Variants in PLOD3 observed in about 807,000 individuals in gnomAD.
PLOD3 encodes the protein multifunctional procollagen lysine hydroxylase and glycosyltransferase LH3.
Under a neutral mutation model 96.9 loss-of-function variants are expected in PLOD3, and 73 were observed. The ratio of observed to expected loss-of-function variants is 0.75; its 90% CI spans 0.62 to 0.92. The LOEUF (loss-of-function observed/expected upper bound fraction) is 0.92, where lower values mean the gene tolerates loss of function less well. PLOD3 is among the 40% of genes least tolerant of loss of function. The probability of loss-of-function intolerance (pLI) is 0.00; values close to 1 mark genes in which losing one functional copy is unlikely to be tolerated. For missense variants in PLOD3, 1,004 were observed against 1,004.3 expected (o/e 1.00, Z 0.00); for synonymous variants, 454 against 413.7 (o/e 1.10, Z -1.18).
chr7:101,206,854 C>T lies in PLOD3; in HGVS notation c.1986G>A (p.Pro662=), dbSNP rs117761436. The change falls in exon 18 of 19, where the codon CCG becomes CCA. Residue 662 remains proline, a synonymous_variant. Coordinates refer to ENST00000223127, the MANE Select transcript of PLOD3 (RefSeq NM_001084.5). ...FVVRYRPDEQ[P]SLRPHHDSST... ...ATGAGTCGTGGTGTGGCCGCAGAGA[C>T]GGCTGCTCGTCTGGCCGGTAGCGAA... 9.9e-4 allele frequency: 1,553 copies of T among 1,566,206 alleles called. 36 individuals carry two copies. The East Asian group carries it at 0.029, about 29-fold the overall frequency.
At chr7:101,217,016 G>T in intron 1 of PLOD3, 150 bp downstream of exon 1, 1 of 932,546 alleles carries the variant, frequency 1.1e-6, no homozygotes, top group Non-Finnish European at 1.6e-6. Context: ...GTAGTGATGG[G>T]CGAGGGGCTT....
At position 101,213,069 on chromosome 7, in the gene PLOD3, G is replaced by A. The variant is rs543139499; in HGVS notation, c.777+38C>T. 1.2e-5 allele frequency: 18 copies of A among 1,468,648 alleles called. No homozygotes were observed. The South Asian group carries it at 1.4e-4, about 11-fold the overall frequency. The allele number at this position is 1,468,648 out of a possible 1,614,324, so 91.0% of individuals were successfully genotyped here. A position where few individuals can be genotyped will look rare whatever the true frequency, so the allele number is the denominator to read the frequency against. On this transcript the variant is annotated intron_variant, in intron 7 of 18. Transcript: ENST00000223127. ...AAGGGTTGGAGGTGCCTGGGGGTTG[G>A]GGCAGGGCGGGGCGGGGGTTGAGAC...
In PLOD3 at chr7:101,210,566, G is replaced by A. The variant is rs145508748; in HGVS notation, c.1466C>T (p.Pro489Leu). ...RDVFSGSDTD[P>L]DMAFCKSFRD... ...AAAGCTCTTACAGAAGGCCATGTCC[G>A]GGTCTGTGTCACTGCCCGAGAACAC... Residue 489 changes from proline to leucine, a missense_variant, in exon 13 of 19, where the codon CCG (proline) becomes CTG (leucine). Pro to Leu is a moderately conservative substitution (Grantham distance 98). Coordinates refer to ENST00000223127, the MANE Select transcript of PLOD3 (RefSeq NM_001084.5). 5.6e-4 allele frequency: 906 copies of A among 1,614,192 alleles called. 12 individuals carry two copies. The highest frequency in any genetic ancestry group is 1.7e-3 in the South Asian group (159 of 91,084).
At position 101,217,170 on chromosome 7, in the gene PLOD3, G is replaced by A. The variant is rs1484054478; in HGVS notation, c.105C>T (p.Asn35=). Residue 35 remains asparagine, a synonymous_variant, in exon 1 of 19, where the codon AAC becomes AAT. Coordinates refer to ENST00000223127, the MANE Select transcript of PLOD3 (RefSeq NM_001084.5). Reference sequence around the variant, plus strand: ...CGGGCCTCCCCGGGATCTCACCTGGGTTGACCGGGTCTCGGCCCCGGGGCC... The same window carrying A: ...CGGGCCTCCCCGGGATCTCACCTGGATTGACCGGGTCTCGGCCCCGGGGCC... ...SDRPRGRDPV[N]PEKLLVITVA... is the part of the protein sequence containing the mutation. The A allele has an allele frequency of 6.7e-7, 1 of 1,490,064 alleles. No homozygotes were observed. Among genetic ancestry groups the A allele is most frequent in the Non-Finnish European group, 8.9e-7 (1 of 1,121,408 alleles). The allele number at this position is 1,490,064 out of a possible 1,614,324, so 92.3% of individuals were successfully genotyped here.
chr7:101,210,033 G>T (rs1798156217), intron 15 of PLOD3, 60 bp downstream of exon 15: 6 of 820,158 alleles, frequency 7.3e-6, no homozygotes, highest in Non-Finnish European at 1.8e-6. Context: ...CCAGGCGGGG[G>T]CCCCCAAGAG....
chr7:101,215,775 G>T (rs926156), intron 5 of PLOD3, 133 bp downstream of exon 5: 7,621 of 707,826 alleles, frequency 0.011, 165 homozygotes, highest in East Asian at 0.078. Context: ...AGTCTTGGAT[G>T]ACAGGCGTGA....
At chr7:101,214,478 C>T (rs990765456) in intron 6 of PLOD3, among the ~76,000 whole-genome samples, 8 of 152,182 alleles carry the variant, frequency 5.3e-5, no homozygotes, top group Non-Finnish European at 1.0e-4. Context: ...TCACCAACCC[C>T]TCCACAAGCT....
chr7:101,210,391 A>T lies in PLOD3; in HGVS notation c.1554T>A (p.Thr518=). The part of the protein sequence containing the change: ...NQHEFGRLLA[T]SRYDTEHLHP... The stretch of plus-strand genomic sequence containing the variant: ...GCAGGTGCTCCGTGTCGTATCTGGA[A>T]GTGGCCAGGAGCCGGCCAAATTCAT... The change falls in exon 14 of 19, where the codon ACT becomes ACA. Residue 518 remains threonine (T), a synonymous_variant. Transcript: ENST00000223127. 6.2e-7 allele frequency: 1 copy of T among 1,614,186 alleles called. No homozygotes were observed. Among genetic ancestry groups the T allele is most frequent in the Non-Finnish European group, 8.5e-7 (1 of 1,180,040 alleles).
intron 17 of PLOD3, 35 bp downstream of exon 17, chr7:101,207,543 A>C (rs780043828): frequency 6.2e-6 from 10 of 1,606,956 alleles, no homozygotes; most frequent in Non-Finnish European, 8.5e-6. Flanking sequence ...TGGGGTGGGG[A>C]AGGTGGGGAG....
At chr7:101,212,146 G>A in intron 10 of PLOD3, 107 bp downstream of exon 10, 1 of 1,445,014 alleles carries the variant, frequency 6.9e-7, no homozygotes, top group South Asian at 1.1e-5. Flanking sequence ...GGAGGCCCAG[G>A]AGGGGCTGGA....
chr7:101,216,256 G>T lies in PLOD3; in HGVS notation c.409C>A (p.Leu137Ile). The T allele has an allele frequency of 6.2e-7, 1 of 1,613,602 alleles. No homozygotes were observed. Residue 137 changes from leucine (L) to isoleucine (I), a missense_variant, in exon 4 of 19, where the codon CTC (leucine) becomes ATC (isoleucine). By Grantham distance (5) the Leu-to-Ile change is conservative. Coordinates refer to ENST00000223127, the MANE Select transcript of PLOD3 (RefSeq NM_001084.5). ...KKFVQSGSRL[L>I]FSAESFCWPE... ...CAGCAGAAGCTCTCTGCAGAGAAGA[G>T]CAGGCGGCTGCCACTCTGGACGAAC...
At chr7:101,211,989 G>A in intron 10 of PLOD3, 39 bp from the exon 11 acceptor site, 2 of 1,406,454 alleles carry the variant, frequency 1.4e-6, no homozygotes, top group Non-Finnish European at 2.0e-6. Flanking sequence ...GGCAGGTGGG[G>A]AGGCGGTGTG....
chr7:101,215,859 T>C (rs1584255932), intron 5 of PLOD3, 49 bp downstream of exon 5: 1 of 1,290,410 alleles, frequency 7.7e-7, no homozygotes, highest in Admixed American at 1.7e-5. Flanking sequence ...GCCTGAGGCC[T>C]CCACTCCCAC....
chr7:101,211,833 G>C lies in PLOD3; in HGVS notation c.1232+13C>G. The C allele has an allele frequency of 6.2e-7, 1 of 1,605,018 alleles. No homozygotes were observed. The highest frequency in any genetic ancestry group is 8.5e-7 in the Non-Finnish European group (1 of 1,173,878). ...GGGGTGCCCTCCGGCTGCGGGGAGA[G>C]GGGGTAAGCCACCTGTTCTCCTCAA... is the stretch of plus-strand genomic sequence containing the variant. On this transcript the variant is annotated intron_variant, in intron 11 of 18. Transcript: ENST00000223127.
In PLOD3 at chr7:101,215,985, C is replaced by T. The variant is rs765347029; in HGVS notation, c.538G>A (p.Val180Met). 8 of 1,614,070 alleles carry T rather than the reference C, an allele frequency of 5.0e-6. No individual in the cohort carries two copies. Among genetic ancestry groups the T allele is most frequent in the East Asian group, 4.5e-5 (2 of 44,874 alleles). ...IGFATTIHQI[V>M]RQWKYKDDDD... ...TCATCCTTGTACTTCCACTGGCGCA[C>T]GATTTGGTGGATGGTGGTGGCAAAA... The change falls in exon 5 of 19, where the codon GTG becomes ATG. Residue 180 changes from valine (V) to methionine (M), a missense_variant. Val to Met is a conservative substitution (Grantham distance 21, BLOSUM62 1). Around this residue, in one of 5 missense-constraint regions of PLOD3, gnomAD observed 690 missense variants for 650.2 expected, o/e 1.06. Coordinates refer to ENST00000223127, the MANE Select transcript of PLOD3 (RefSeq NM_001084.5).
In PLOD3 at chr7:101,214,966, G is replaced by A. The variant is rs1177636514; in HGVS notation, c.679+123C>T. 8.8e-6 allele frequency: 7 copies of A among 796,498 alleles called. No homozygotes were observed. In the East Asian group the frequency reaches 9.7e-5, roughly 11 times the overall value. 49.3% of individuals were successfully genotyped at this position (796,498 alleles called of 1,614,324 possible). On this transcript the variant is annotated intron_variant, in intron 6 of 18. Transcript: ENST00000223127. ...AACTTACACAACCAGCCACTCAGAC[G>A]CCTGACAAAACCACATAGAGGTGGG...
rs1798296832 is a variant in PLOD3 at position 101,217,395 on chromosome 7, G to A, written c.-121C>T. 2.0e-6 allele frequency: 2 copies of A among 1,020,126 alleles called. No homozygotes were observed. The highest frequency in any genetic ancestry group is 1.7e-5 in the African/African-American group (1 of 59,008). The allele number at this position is 1,020,126 out of a possible 1,614,324, so 63.2% of individuals were successfully genotyped here. A position where few individuals can be genotyped will look rare whatever the true frequency, so the allele number is the denominator to read the frequency against. On this transcript the variant is annotated 5_prime_UTR_variant, in exon 1 of 19. Transcript: ENST00000223127. ...CGGGCTGCTGTGCGGCCGCCGCGGG[G>A]AGCAGCTTGGCTGGGGCTACGCCCT...
Position 101,212,653 on chromosome 7 carries a change from A to T in PLOD3, c.882T>A (p.Pro294=). 1 of 1,613,260 alleles carries T rather than the reference A, an allele frequency of 6.2e-7. No individual in the cohort carries two copies. Among genetic ancestry groups the T allele is most frequent in the Non-Finnish European group, 8.5e-7 (1 of 1,179,838 alleles). ...ACACGGCCAGAAACACCCGGGGGGG[A>T]GGCTGGAAGATGCAACACGCAGGGA... ...QDRRTLPGGQ[P]PPRVFLAVFV... The change falls in exon 9 of 19, where the codon CCT becomes CCA. Residue 294 remains proline, a splice_region_variant and synonymous_variant. Transcript: ENST00000223127.
intron 12 of PLOD3, 67 bp from the exon 13 acceptor site, chr7:101,210,740 G>T (rs191070293): frequency 2.8e-5 from 45 of 1,587,052 alleles, no homozygotes; most frequent in Admixed American, 2.7e-4. Flanking sequence ...CTCATCCCGG[G>T]AAGTCCTTCT....
Sources: gnomAD v4.1 joint callset for allele counts (sites outside exome capture counted in the v4.1 genomes callset) on GRCh38, gnomAD v4.1.1 for gene constraint, gnomAD v4.1.1 regional missense constraint, MANE v1.5 for transcripts, NCBI Gene and HGNC (gene_info 2026-07-23, HGNC 2026-07-21) for gene names.